The following KLHL13 variants were observed in gnomAD, a reference collection of about 807,000 sequenced individuals.
KLHL13 encodes the protein kelch-like protein 13.
A neutral mutation model predicts 37.1 loss-of-function variants in KLHL13; 10 were observed. That is an observed-to-expected ratio of 0.27 (90% CI 0.17 to 0.46). KLHL13 has a LOEUF of 0.46. Among genes scored for constraint, KLHL13 ranks in the 20% least tolerant of loss-of-function variants. KLHL13 has a pLI of 1.00. For synonymous variants in KLHL13, 163 were observed against 181.2 expected (o/e 0.90, Z 0.81); for missense variants, 360 against 509.3 (o/e 0.71, Z 2.82).
At chrX:118,104,165 T>C (rs1178756520) in intron 1 of KLHL13, among the ~76,000 whole-genome samples, 1 of 108,678 alleles carries the variant, frequency 9.2e-6, no homozygotes, top group African/African-American at 3.4e-5. Context: ...AAGGCTACAG[T>C]AAGCTGTGAT....
At chrX:118,051,918 G>T (rs1290330554) in intron 1 of KLHL13, among the ~76,000 whole-genome samples, 1 of 111,361 alleles carries the variant, frequency 9.0e-6, no homozygotes, top group Non-Finnish European at 1.9e-5. Flanking sequence ...TGTGGAGGCA[G>T]AGGCAAGGAA....
intron 1 of KLHL13, among the ~76,000 whole-genome samples, chrX:118,004,162 C>T (rs1446082733): frequency 2.7e-5 from 3 of 111,367 alleles, no homozygotes; most frequent in Non-Finnish European, 5.6e-5. Flanking sequence ...AGGGAGAAAA[C>T]TAGAATGAAC....
intron 1 of KLHL13, among the ~76,000 whole-genome samples, chrX:118,048,327 C>T (rs1265005736): frequency 9.0e-6 from 1 of 111,594 alleles, no homozygotes; most frequent in Non-Finnish European, 1.9e-5. Context: ...CATACACACT[C>T]ACACACACAT....
chrX:117,945,455 G>C, exon 2 of KLHL13: 1 of 1,210,420 alleles, frequency 8.3e-7, no homozygotes, highest in East Asian at 3.0e-5. Flanking sequence ...CAGAACTGTG[G>C]GTATTGCTGG....
At chrX:117,976,201 GTA>G (rs1268550109), upstream of KLHL13, among the ~76,000 whole-genome samples, 1 of 111,839 alleles carries the variant, frequency 8.9e-6, no homozygotes, top group Non-Finnish European at 1.9e-5. Context: ...TGGTGGAGAT[GTA>G]TATATATTCA....
At chrX:117,967,411 C>T (rs939274720) in intron 1 of KLHL13, among the ~76,000 whole-genome samples, 3 of 111,071 alleles carry the variant, frequency 2.7e-5, no homozygotes, top group African/African-American at 6.5e-5. Flanking sequence ...TTTCTCATCG[C>T]TCCGTCTCCC....
intron 1 of KLHL13, among the ~76,000 whole-genome samples, chrX:118,043,226 T>A (rs1281326158): frequency 9.0e-6 from 1 of 111,212 alleles, no homozygotes; most frequent in African/African-American, 3.3e-5. Context: ...TAACAAGTAA[T>A]GAGATTGCAA....
intron 1 of KLHL13, chrX:118,028,460 T>G: frequency 8.9e-7 from 1 of 1,128,494 alleles, no homozygotes; most frequent in Non-Finnish European, 1.2e-6. Context: ...TTCCCCTCTA[T>G]GCAGATGATC....
rs150643927 is a variant in KLHL13 at position 117,922,911 on chromosome X, C to A, written c.241-2541G>T. On this transcript the variant is annotated intron_variant, in intron 2 of 6. Transcript: ENST00000262820. Reference sequence around the variant, plus strand: ...GACCTCATTCTCTATATATCATAATCTACATTATGCTTGTATTAAAATATA... The same window carrying A: ...GACCTCATTCTCTATATATCATAATATACATTATGCTTGTATTAAAATATA... Among the ~76,000 whole-genome samples, 171 of 111,953 alleles carry A rather than the reference C, an allele frequency of 1.5e-3. 2 individuals are homozygous for A. Among genetic ancestry groups the A allele is most frequent in the African/African-American group, 5.4e-3 (166 of 30,893 alleles).
chrX:117,907,467 G>GTC (rs1198759490), intron 5 of KLHL13, among the ~76,000 whole-genome samples: 2 of 111,967 alleles, frequency 1.8e-5, no homozygotes, highest in Non-Finnish European at 3.8e-5. Context: ...GACTGACCAA[G>GTC]TTAATGACCT....
At chrX:118,050,588 T>TTC (rs955814800) in intron 1 of KLHL13, among the ~76,000 whole-genome samples, 34 of 109,728 alleles carry the variant, frequency 3.1e-4, no homozygotes, top group African/African-American at 7.9e-4. Flanking sequence ...CTTTCTTTCC[T>TTC]TCTCTCTCTC....
chrX:117,965,688 T>C (rs1223316028), intron 1 of KLHL13, among the ~76,000 whole-genome samples: 2 of 111,220 alleles, frequency 1.8e-5, no homozygotes, highest in Non-Finnish European at 3.8e-5. Context: ...CAGCAGCACA[T>C]CAAAAAGCTT....
chrX:118,116,966 G>T (rs1314193620), upstream of KLHL13: 2 of 111,546 alleles, frequency 1.8e-5, no homozygotes, highest in Non-Finnish European at 3.8e-5. Flanking sequence ...CTAGGACGGT[G>T]TGTGGGGTCC....
At chrX:117,916,154 G>A (rs6645992) in intron 4 of KLHL13, among the ~76,000 whole-genome samples, 11,291 of 103,471 alleles carry the variant, frequency 0.11, 591 homozygotes, top group African/African-American at 0.2. Flanking sequence ...GCGACACTCC[G>A]CCTCAAAAAA....
intron 1 of KLHL13, among the ~76,000 whole-genome samples, chrX:118,006,302 A>G (rs1219708038): frequency 8.9e-6 from 1 of 111,840 alleles, no homozygotes; most frequent in Non-Finnish European, 1.9e-5. Flanking sequence ...ATTTTACCAA[A>G]GAAGGGTTTT....
At chrX:117,979,326 G>A (rs2053632571) in intron 1 of KLHL13, among the ~76,000 whole-genome samples, 1 of 111,823 alleles carries the variant, frequency 8.9e-6, no homozygotes. Context: ...AATACAGAGA[G>A]ACGATTTATC....
rs10596292 is a variant in KLHL13, at chrX:117,926,885, C to CTTTTT, written c.241-6520_241-6516dup. Among the ~76,000 whole-genome samples, 252 of 26,163 alleles carry CTTTTT rather than the reference C, an allele frequency of 9.6e-3. 59 individuals carry two copies. The highest frequency in any genetic ancestry group is 0.015 in the Non-Finnish European group (182 of 12,105). The allele number at this position is 26,163 out of a possible 115,157, so 22.7% of individuals were successfully genotyped here. On this transcript the variant is annotated intron_variant, in intron 2 of 6. Coordinates refer to ENST00000262820, the Ensembl canonical transcript of KLHL13. ...AAGCTCCAGGAGAAGCCCCCTACTT[C>CTTTTT]TTTTTTTTTTTTTTTTTTTTTTTTT...
chrX:118,002,694 C>G (rs1407111607), intron 1 of KLHL13, among the ~76,000 whole-genome samples: 1 of 110,586 alleles, frequency 9.0e-6, no homozygotes, highest in African/African-American at 3.3e-5. Context: ...GCAGGGTTCA[C>G]AGTGCTAAGA....
chrX:118,110,676 C>T (rs1189000763), intron 1 of KLHL13, among the ~76,000 whole-genome samples: 1 of 111,507 alleles, frequency 9.0e-6, no homozygotes. Context: ...CATGCCCGGC[C>T]TTCTCTTGCT....
Sources: gnomAD v4.1 joint callset for allele counts (sites outside exome capture counted in the v4.1 genomes callset) on GRCh38, gnomAD v4.1.1 for gene constraint, MANE v1.5 for transcripts, NCBI Gene and HGNC (gene_info 2026-07-23, HGNC 2026-07-21) for gene names.